The following DCDC1 variants were observed in gnomAD, a reference collection of about 807,000 sequenced individuals.
The protein encoded by DCDC1 is doublecortin domain-containing protein 1.
In DCDC1, 200 loss-of-function variants were observed where a neutral mutation model predicts 178.3. That is an observed-to-expected ratio of 1.12 (90% CI 1.00 to 1.26). The LOEUF (loss-of-function observed/expected upper bound fraction) is 1.26. DCDC1 is among the 50% of genes most tolerant of loss of function. The pLI, the probability that DCDC1 is intolerant of heterozygous loss-of-function variation, is 0.00. For missense variants in DCDC1, 1,983 were observed against 1,749.2 expected, an observed-to-expected ratio of 1.13 and a Z score of -2.38; for synonymous variants, 690 against 604.8, an observed-to-expected ratio of 1.14 and a Z score of -2.07.
chr11:31,046,543 T>A (rs948461181), intron 20 of DCDC1, among the ~76,000 whole-genome samples: 1 of 151,304 alleles, frequency 6.6e-6, no homozygotes, highest in Non-Finnish European at 1.5e-5. Context: ...GTTAAATTCA[T>A]TGAAAAAGAA....
chr11:31,164,288 T>C (rs1383508662), intron 9 of DCDC1, among the ~76,000 whole-genome samples: 2 of 152,030 alleles, frequency 1.3e-5, no homozygotes, highest in African/African-American at 4.8e-5. Context: ...AGCAAATCTA[T>C]GATGAAAAAA....
intron 20 of DCDC1, among the ~76,000 whole-genome samples, chr11:30,959,236 C>G (rs111858896): frequency 3.4e-4 from 52 of 152,142 alleles, no homozygotes; most frequent in African/African-American, 1.2e-3. Flanking sequence ...AACTATAACC[C>G]CAACCCCTTG....
At chr11:31,341,543 C>G (rs2133217649) in intron 1 of DCDC1, among the ~76,000 whole-genome samples, 1 of 152,290 alleles carries the variant, frequency 6.6e-6, no homozygotes, top group South Asian at 2.1e-4. Flanking sequence ...AGATGGCATA[C>G]TATACACCTA....
At chr11:30,890,435 A>T (rs1320763573) in intron 36 of DCDC1, among the ~76,000 whole-genome samples, 1 of 152,204 alleles carries the variant, frequency 6.6e-6, no homozygotes, top group South Asian at 2.1e-4. Context: ...CTCAAGTTCC[A>T]TCAGAGTTCC....
intron 8 of DCDC1, chr11:31,263,196 T>C: frequency 9.9e-6 from 9 of 909,928 alleles, no homozygotes; most frequent in Non-Finnish European, 1.4e-5. Context: ...CATTCAAATC[T>C]GATGTTTTAA....
Position 30,915,711 on chromosome 11 carries a change from G to A in DCDC1, c.3453C>T (p.Ser1151=), listed in dbSNP as rs1945781989. 2 of 1,610,964 alleles carry A rather than the reference G, an allele frequency of 1.2e-6. No homozygotes were observed. The highest frequency in any genetic ancestry group is 1.7e-6 in the Non-Finnish European group (2 of 1,178,436). The change falls in exon 27 of 39, where the codon AGC becomes AGT. Residue 1151 remains serine, a splice_region_variant and synonymous_variant. Coordinates refer to ENST00000684477, the MANE Select transcript of DCDC1 (RefSeq NM_001387274.1). ...GCAATTTACTATGCTTTGGTGAACA[G>A]CTGAGATAAAGAAATCTCTATTAGT... The part of the protein sequence containing the change: ...FENVEPQKKH[S]CSPKHSKLHK...
intron 20 of DCDC1, among the ~76,000 whole-genome samples, chr11:31,010,370 C>G (rs1952100305): frequency 6.6e-6 from 1 of 152,210 alleles, no homozygotes; most frequent in Non-Finnish European, 1.5e-5. Context: ...AGCTGCATGA[C>G]TGAGGACTTT....
chr11:30,898,008 G>T (rs1460782594), intron 34 of DCDC1, among the ~76,000 whole-genome samples: 4 of 152,102 alleles, frequency 2.6e-5, no homozygotes, highest in Admixed American at 2.6e-4. Context: ...GGACAGGAGA[G>T]GGAAAACTTT....
intron 38 of DCDC1, among the ~76,000 whole-genome samples, chr11:30,872,167 G>T (rs610835): frequency 0.012 from 1,778 of 152,128 alleles, 31 homozygotes; most frequent in African/African-American, 0.04. Context: ...TCTAGGCCTA[G>T]CCAAGCAGTC....
chr11:31,284,099 C>CT (rs1192357316), intron 7 of DCDC1, among the ~76,000 whole-genome samples: 1 of 152,040 alleles, frequency 6.6e-6, no homozygotes, highest in Non-Finnish European at 1.5e-5. Context: ...TTCCTGTTGT[C>CT]TAATACCTAA....
intron 18 of DCDC1, among the ~76,000 whole-genome samples, chr11:31,066,934 TA>T (rs1160855813): frequency 6.6e-6 from 1 of 152,070 alleles, no homozygotes; most frequent in African/African-American, 2.4e-5. Flanking sequence ...ATGAAGATAC[TA>T]GGGGAGGGTG....
chr11:31,136,845 AGAG>A (rs761731948), intron 10 of DCDC1, among the ~76,000 whole-genome samples: 1 of 152,132 alleles, frequency 6.6e-6, no homozygotes, highest in Non-Finnish European at 1.5e-5. Context: ...AGCTTTGAAG[AGAG>A]GAAGGTTTGC....
At chr11:31,124,846 T>C (rs1167023264) in intron 11 of DCDC1, among the ~76,000 whole-genome samples, 1 of 151,896 alleles carries the variant, frequency 6.6e-6, no homozygotes, top group Non-Finnish European at 1.5e-5. Context: ...ATCTAGGCAA[T>C]AAAGAGCAGG....
At chr11:31,265,468 A>C (rs990405579) in intron 8 of DCDC1, 39 bp downstream of exon 8, 2 of 1,176,486 alleles carry the variant, frequency 1.7e-6, no homozygotes, top group Non-Finnish European at 2.3e-6. Context: ...ATGTCTTTCA[A>C]AATATTATCA....
chr11:31,051,689 C>T (rs2135413293), intron 20 of DCDC1, among the ~76,000 whole-genome samples: 1 of 152,264 alleles, frequency 6.6e-6, no homozygotes, highest in Admixed American at 6.5e-5. Flanking sequence ...TCAAACAAAA[C>T]AGTTATTAGC....
intron 8 of DCDC1, among the ~76,000 whole-genome samples, chr11:31,251,637 C>G (rs1042926117): frequency 6.6e-6 from 1 of 151,714 alleles, no homozygotes; most frequent in Non-Finnish European, 1.5e-5. Context: ...GAGAGAGAGA[C>G]ACTATAAATA....
intron 3 of DCDC1, among the ~76,000 whole-genome samples, chr11:31,309,829 A>G (rs1026787448): frequency 3.9e-5 from 6 of 152,132 alleles, no homozygotes; most frequent in Non-Finnish European, 8.8e-5. Context: ...TATATCCTCA[A>G]TTCTATTGCC....
chr11:31,342,171 C>T (rs1950587360), intron 1 of DCDC1, among the ~76,000 whole-genome samples: 1 of 152,198 alleles, frequency 6.6e-6, no homozygotes, highest in South Asian at 2.1e-4. Context: ...CACAGATAAT[C>T]TACAGGAGAT....
chr11:31,018,706 G>A (rs763606031), intron 20 of DCDC1, among the ~76,000 whole-genome samples: 1 of 152,210 alleles, frequency 6.6e-6, no homozygotes, highest in Non-Finnish European at 1.5e-5. Context: ...CCTGGGGCAT[G>A]CTCTGATGAG....
Sources: allele counts gnomAD v4.1 joint callset (sites outside exome capture counted in the v4.1 genomes callset), GRCh38; gene constraint gnomAD v4.1.1; transcripts MANE v1.5; gene names NCBI Gene and HGNC (gene_info 2026-07-23, HGNC 2026-07-21).